LPGAT1: variants seen among roughly 807,000 people sequenced by gnomAD.
LPGAT1 encodes acyl-CoA:lysophosphatidylglycerol acyltransferase 1.
A neutral mutation model predicts 47.5 loss-of-function variants in LPGAT1; 11 were observed. The ratio of observed to expected loss-of-function variants is 0.23; its 90% CI spans 0.15 to 0.38. LPGAT1 has a LOEUF of 0.38. LPGAT1 is among the 10% of genes least tolerant of loss of function. The pLI, the probability that LPGAT1 is intolerant of heterozygous loss-of-function variation, is 1.00. For missense variants in LPGAT1, 293 were observed against 439.0 expected, an observed-to-expected ratio of 0.67 and a Z score of 2.97; for synonymous variants, 138 against 144.2, an observed-to-expected ratio of 0.96 and a Z score of 0.31.
intron 6 of LPGAT1, among the ~76,000 whole-genome samples, chr1:211,769,522 T>C (rs1310941892): frequency 6.6e-6 from 1 of 152,116 alleles, no homozygotes; most frequent in African/African-American, 2.4e-5. Context: ...GGTGAGTCCA[T>C]AGACTAAAGT....
At chr1:211,762,144 G>A (rs1321140400) in intron 6 of LPGAT1, among the ~76,000 whole-genome samples, 4 of 152,008 alleles carry the variant, frequency 2.6e-5, no homozygotes, top group East Asian at 1.9e-4. Context: ...AGGGCCACAG[G>A]GCTAAAAGAG....
chr1:211,774,027 G>A (rs12095938), intron 6 of LPGAT1, among the ~76,000 whole-genome samples: 45,204 of 151,440 alleles, frequency 0.3, 7,988 homozygotes, highest in Non-Finnish European at 0.41. Context: ...ACAATATATG[G>A]AGAATGCTAT....
At chr1:211,819,089 T>C (rs755080920) in intron 2 of LPGAT1, among the ~76,000 whole-genome samples, 1 of 152,214 alleles carries the variant, frequency 6.6e-6, no homozygotes, top group Non-Finnish European at 1.5e-5. Flanking sequence ...CTTTTTGGTA[T>C]GGACATAGCA....
intron 7 of LPGAT1, 34 bp downstream of exon 7, chr1:211,750,927 A>T: frequency 7.0e-7 from 1 of 1,437,344 alleles, no homozygotes; most frequent in Non-Finnish European, 9.7e-7. Flanking sequence ...TACTGTTGCT[A>T]TAATTTAGCA....
At chr1:211,821,366 A>C (rs1660365246) in intron 2 of LPGAT1, among the ~76,000 whole-genome samples, 1 of 152,248 alleles carries the variant, frequency 6.6e-6, no homozygotes, top group South Asian at 2.1e-4. Flanking sequence ...CTAGAGGATA[A>C]ACTTCAGCCA....
At position 211,745,500 on chromosome 1, in the gene LPGAT1, G is replaced by A. The variant is rs147938929; in HGVS notation, c.*4399C>T. On this transcript the variant is annotated 3_prime_UTR_variant, in exon 8 of 8. Coordinates refer to ENST00000366997, the MANE Select transcript of LPGAT1 (RefSeq NM_014873.3). Reference sequence around the variant, plus strand: ...AAAAATAAAGCCATTCAAGATATGTGTGCATACTTTGCAACTAGAATACAC... The same window carrying A: ...AAAAATAAAGCCATTCAAGATATGTATGCATACTTTGCAACTAGAATACAC... The A allele has an allele frequency of 6.6e-6, 1 of 152,296 alleles. No homozygotes were observed. Among genetic ancestry groups the A allele is most frequent in the East Asian group, 1.9e-4 (1 of 5,194 alleles). The allele number at this position is 152,296 out of a possible 1,614,324, so 9.4% of individuals were successfully genotyped here. A position where few individuals can be genotyped will look rare whatever the true frequency, so the allele number is the denominator to read the frequency against.
chr1:211,793,307 C>T (rs532636939), intron 2 of LPGAT1, 117 bp from the exon 3 acceptor site: 133 of 568,946 alleles, frequency 2.3e-4, no homozygotes, highest in Non-Finnish European at 3.4e-4. Context: ...CTAAAACATC[C>T]GAAAGTTTAG....
At chr1:211,794,808 G>T (rs780389421) in intron 2 of LPGAT1, among the ~76,000 whole-genome samples, 2 of 152,078 alleles carry the variant, frequency 1.3e-5, no homozygotes, top group Admixed American at 6.6e-5. Context: ...ATAGGGATAG[G>T]GAGACCTGTT....
chr1:211,797,222 C>T (rs1182883914), intron 2 of LPGAT1, among the ~76,000 whole-genome samples: 1 of 152,052 alleles, frequency 6.6e-6, no homozygotes, highest in African/African-American at 2.4e-5. Context: ...AGCCACTGCA[C>T]TCCAGCCTAG....
At chr1:211,828,551 TAAAC>T (rs751206717) in intron 2 of LPGAT1, among the ~76,000 whole-genome samples, 2 of 152,190 alleles carry the variant, frequency 1.3e-5, no homozygotes, top group African/African-American at 4.8e-5. Context: ...TAGATTCTAA[TAAAC>T]AAAAGAAACA....
intron 2 of LPGAT1, among the ~76,000 whole-genome samples, chr1:211,810,666 T>TA (rs2102586615): frequency 6.6e-6 from 1 of 152,178 alleles, no homozygotes; most frequent in South Asian, 2.1e-4. Flanking sequence ...TTATTGGGAA[T>TA]AAAAAACAAA....
chr1:211,791,228 CCCTAA>C (rs1659098877), intron 3 of LPGAT1, among the ~76,000 whole-genome samples: 1 of 152,154 alleles, frequency 6.6e-6, no homozygotes, highest in South Asian at 2.1e-4. Context: ...TCTGACCCTA[CCCTAA>C]CCTAGTGAAT....
At chr1:211,787,603 A>G in intron 4 of LPGAT1, 29 bp downstream of exon 4, 1 of 1,215,522 alleles carries the variant, frequency 8.2e-7, no homozygotes, top group Non-Finnish European at 1.2e-6. Context: ...CCAGGCTATC[A>G]CTGCGGGGAA....
At chr1:211,784,992 A>AC (rs1658811360) in intron 4 of LPGAT1, among the ~76,000 whole-genome samples, 4 of 151,846 alleles carry the variant, frequency 2.6e-5, no homozygotes, top group Admixed American at 1.3e-4. Flanking sequence ...TTTAGTAGAG[A>AC]TGGGATTTCA....
intron 6 of LPGAT1, among the ~76,000 whole-genome samples, chr1:211,754,247 A>G (rs770066047): frequency 6.6e-6 from 1 of 152,160 alleles, no homozygotes. Context: ...TTCTTCTTAG[A>G]TTTCAACCAG....
At chr1:211,755,559 T>C (rs867720594) in intron 6 of LPGAT1, among the ~76,000 whole-genome samples, 5 of 150,028 alleles carry the variant, frequency 3.3e-5, no homozygotes, top group Non-Finnish European at 5.9e-5. Flanking sequence ...AGAAAAAAAA[T>C]AGAGGAAAGA....
At chr1:211,817,013 T>C (rs1040852408) in intron 2 of LPGAT1, among the ~76,000 whole-genome samples, 2 of 152,066 alleles carry the variant, frequency 1.3e-5, no homozygotes, top group Non-Finnish European at 2.9e-5. Context: ...CAATTCAGAG[T>C]CTCATATACA....
chr1:211,777,862 A>G (rs1442139664), intron 6 of LPGAT1, among the ~76,000 whole-genome samples: 3 of 152,198 alleles, frequency 2.0e-5, no homozygotes, highest in Non-Finnish European at 4.4e-5. Flanking sequence ...AGGTCAGCAC[A>G]AAATACAGGT....
chr1:211,756,869 T>C (rs1029714529), intron 6 of LPGAT1, among the ~76,000 whole-genome samples: 20 of 150,008 alleles, frequency 1.3e-4, no homozygotes, highest in African/African-American at 2.2e-4. Flanking sequence ...TTTTTTTTTT[T>C]TCTCTCTTTT....
Sources: gnomAD v4.1 joint callset for allele counts (sites outside exome capture counted in the v4.1 genomes callset) on GRCh38, gnomAD v4.1.1 for gene constraint, MANE v1.5 for transcripts, NCBI Gene and HGNC (gene_info 2026-07-23, HGNC 2026-07-21) for gene names.